SMYD3: variants seen among roughly 807,000 people sequenced by gnomAD.
SMYD3 encodes the protein histone-lysine N-methyltransferase SMYD3.
In SMYD3, 36 loss-of-function variants were observed where a neutral mutation model predicts 57.7. That is an observed-to-expected ratio of 0.62 (90% CI 0.48 to 0.82). The LOEUF (loss-of-function observed/expected upper bound fraction) is 0.82. Ranked by LOEUF, SMYD3 falls within the 40% of genes least tolerant of loss-of-function variation. The pLI, the probability that SMYD3 is intolerant of heterozygous loss-of-function variation, is 0.00. For missense variants in SMYD3, 515 were observed against 538.8 expected (o/e 0.96, Z 0.44); for synonymous variants, 211 against 195.0 (o/e 1.08, Z -0.68).
At chr1:245,894,045 A>G (rs1380492951) in intron 8 of SMYD3, among the ~76,000 whole-genome samples, 1 of 152,206 alleles carries the variant, frequency 6.6e-6, no homozygotes, top group Admixed American at 6.5e-5. Flanking sequence ...AAGTCTGCAG[A>G]GTACCTCGTG....
chr1:246,428,929 C>A (rs1315155408), intron 1 of SMYD3, among the ~76,000 whole-genome samples: 1 of 151,824 alleles, frequency 6.6e-6, no homozygotes, highest in African/African-American at 2.4e-5. Context: ...AGTCTGGCTC[C>A]CCGTCAGGAA....
At chr1:246,411,186 A>G (rs2066961972) in intron 1 of SMYD3, among the ~76,000 whole-genome samples, 1 of 152,130 alleles carries the variant, frequency 6.6e-6, no homozygotes, top group East Asian at 1.9e-4. Context: ...GCTCTTCTCA[A>G]AAGAAGACAT....
chr1:246,296,930 C>G (rs1164547637), intron 5 of SMYD3, among the ~76,000 whole-genome samples: 2 of 152,016 alleles, frequency 1.3e-5, no homozygotes, highest in East Asian at 3.9e-4. Context: ...GGTTGAGGAA[C>G]TTAGGTAGAG....
intron 5 of SMYD3, among the ~76,000 whole-genome samples, chr1:246,121,692 C>G (rs977986794): frequency 6.6e-6 from 1 of 152,102 alleles, no homozygotes; most frequent in Non-Finnish European, 1.5e-5. Flanking sequence ...TAAAGACTTA[C>G]CCTCCAGGCC....
chr1:246,165,578 G>C (rs898264871), intron 5 of SMYD3, among the ~76,000 whole-genome samples: 3 of 151,588 alleles, frequency 2.0e-5, no homozygotes, highest in South Asian at 2.1e-4. Context: ...GTTAAAAGTC[G>C]TCGAAACAAT....
At chr1:246,241,904 T>C (rs1374982877) in intron 5 of SMYD3, among the ~76,000 whole-genome samples, 1 of 152,242 alleles carries the variant, frequency 6.6e-6, no homozygotes, top group Non-Finnish European at 1.5e-5. Flanking sequence ...TATTCTCTGA[T>C]GGTAGTTTGC....
chr1:246,489,173 C>T (rs909185377), intron 1 of SMYD3, among the ~76,000 whole-genome samples: 1 of 151,982 alleles, frequency 6.6e-6, no homozygotes, highest in Non-Finnish European at 1.5e-5. Flanking sequence ...GGTGACACCC[C>T]GTCTCTACTA....
At chr1:245,944,091 G>T (rs909331038) in intron 5 of SMYD3, among the ~76,000 whole-genome samples, 1 of 152,118 alleles carries the variant, frequency 6.6e-6, no homozygotes, top group Non-Finnish European at 1.5e-5. Context: ...AGACAAGGAT[G>T]CCCTCTCTCA....
Position 246,203,131 on chromosome 1 carries a change from A to C in SMYD3, c.531+124070T>G, listed in dbSNP as rs746771657. ...CCGTCTCAAAAAATAAAAGAAAAGA[A>C]AAAGAAAAAGAAAATAAAGGCTGGA... On this transcript the variant is annotated intron_variant, in intron 5 of 11. Transcript: ENST00000490107. This position sits in a 1 kb window ranked among gnomAD's most constrained non-coding sequence, Gnocchi z 4.6. Among the ~76,000 whole-genome samples the C allele has an allele frequency of 1.3e-5, 2 of 152,136 alleles. No homozygotes were observed. Among genetic ancestry groups the C allele is most frequent in the Non-Finnish European group, 2.9e-5 (2 of 68,026 alleles).
intron 5 of SMYD3, among the ~76,000 whole-genome samples, chr1:246,004,112 T>C (rs12402183): frequency 0.02 from 3,070 of 152,294 alleles, 102 homozygotes; most frequent in South Asian, 0.14. Flanking sequence ...CTTCATAGGA[T>C]TGCTGTGAGG....
chr1:246,492,115 A>C (rs2068282577), intron 1 of SMYD3, among the ~76,000 whole-genome samples: 1 of 152,234 alleles, frequency 6.6e-6, no homozygotes. Flanking sequence ...GCTTGAGTGG[A>C]TAGCATCCAA....
At chr1:246,022,461 A>G (rs1425278142) in intron 5 of SMYD3, among the ~76,000 whole-genome samples, 1 of 152,190 alleles carries the variant, frequency 6.6e-6, no homozygotes, top group Admixed American at 6.5e-5. Flanking sequence ...GACACACACT[A>G]ACAGTGCGAC....
At chr1:246,461,074 T>C (rs2067790200) in intron 1 of SMYD3, among the ~76,000 whole-genome samples, 1 of 152,204 alleles carries the variant, frequency 6.6e-6, no homozygotes, top group Non-Finnish European at 1.5e-5. Flanking sequence ...GACTCTAAAT[T>C]GTTTAAGGTA....
At chr1:246,045,884 C>T (rs564453793) in intron 5 of SMYD3, among the ~76,000 whole-genome samples, 3 of 152,268 alleles carry the variant, frequency 2.0e-5, no homozygotes, top group South Asian at 2.1e-4. Flanking sequence ...ATGCTCATCA[C>T]CACTGGCCAT....
chr1:246,474,818 T>G (rs1485985892), intron 1 of SMYD3, among the ~76,000 whole-genome samples: 1 of 152,110 alleles, frequency 6.6e-6, no homozygotes, highest in Non-Finnish European at 1.5e-5. Context: ...TCCCTCCCAC[T>G]TTCCAAGAAG....
At chr1:245,853,831 A>C (rs2051101308) in intron 10 of SMYD3, among the ~76,000 whole-genome samples, 1 of 152,158 alleles carries the variant, frequency 6.6e-6, no homozygotes, top group Admixed American at 6.5e-5. Flanking sequence ...AGGTACACAA[A>C]CTACCAGCTG....
chr1:246,014,167 A>G (rs1197958135), intron 5 of SMYD3, among the ~76,000 whole-genome samples: 1 of 152,206 alleles, frequency 6.6e-6, no homozygotes, highest in Non-Finnish European at 1.5e-5. Flanking sequence ...TACTAAAAAT[A>G]CAAAAGTTAG....
chr1:245,846,067 G>A (rs565288391), intron 10 of SMYD3, among the ~76,000 whole-genome samples: 24 of 152,174 alleles, frequency 1.6e-4, no homozygotes, highest in African/African-American at 4.1e-4. Context: ...TTTTTCTTTT[G>A]TTATACAGAT....
intron 5 of SMYD3, among the ~76,000 whole-genome samples, chr1:245,973,777 C>A (rs753884961): frequency 6.6e-6 from 1 of 152,144 alleles, no homozygotes; most frequent in African/African-American, 2.4e-5. Flanking sequence ...TTGATCGGCA[C>A]GAGGAAATCT....
Sources: gnomAD v4.1 joint callset for allele counts (sites outside exome capture counted in the v4.1 genomes callset) on GRCh38, gnomAD v4.1.1 for gene constraint, Gnocchi (gnomAD v3.1) non-coding constraint, MANE v1.5 for transcripts, NCBI Gene and HGNC (gene_info 2026-07-23, HGNC 2026-07-21) for gene names.